Variants in WDR41 observed in about 807,000 individuals in gnomAD.
WDR41 encodes WD repeat domain 41.
Under a neutral mutation model 69.3 loss-of-function variants are expected in WDR41, and 63 were observed. That is an observed-to-expected ratio of 0.91 (90% CI 0.74 to 1.12). The LOEUF (loss-of-function observed/expected upper bound fraction) is 1.12. WDR41 is among the 50% of genes most tolerant of loss of function. WDR41 has a pLI of 0.00. For synonymous variants in WDR41, 185 were observed against 192.1 expected, an observed-to-expected ratio of 0.96 and a Z score of 0.31; for missense variants, 543 against 534.5, an observed-to-expected ratio of 1.02 and a Z score of -0.16.
intron 1 of WDR41, among the ~76,000 whole-genome samples, chr5:77,518,833 T>C (rs1215860237): frequency 6.6e-6 from 1 of 152,056 alleles, no homozygotes. Flanking sequence ...AATAAATATA[T>C]ATGAGCAGTA....
intron 1 of WDR41, among the ~76,000 whole-genome samples, chr5:77,618,370 GTT>G (rs35564512): frequency 6.8e-6 from 1 of 147,612 alleles, no homozygotes; most frequent in Non-Finnish European, 1.5e-5. Flanking sequence ...GACTAAACAA[GTT>G]TTTTTTTTTT....
intron 1 of WDR41, among the ~76,000 whole-genome samples, chr5:77,534,532 C>T (rs1742930394): frequency 6.6e-6 from 1 of 151,990 alleles, no homozygotes; most frequent in South Asian, 2.1e-4. Context: ...CTCCCGGATT[C>T]AAGTGATTCT....
chr5:77,579,494 C>T lies in WDR41; in HGVS notation c.42+40985G>A, dbSNP rs77387678. On this transcript the variant is annotated intron_variant, in intron 1 of 5. Transcript: ENST00000509971. ...ACAGCAAACTATGAAACAAAAGCAA[C>T]GGAGACCATAAGATAGTAGAACAAC... Among the ~76,000 whole-genome samples the T allele has an allele frequency of 7.7e-3, 1,170 of 152,156 alleles. 8 individuals carry two copies. The highest frequency in any genetic ancestry group is 0.024 in the Middle Eastern group (7 of 292).
At chr5:77,434,314 G>GA (rs35089946) in intron 12 of WDR41, among the ~76,000 whole-genome samples, 83 of 151,736 alleles carry the variant, frequency 5.5e-4, no homozygotes, top group Admixed American at 1.6e-3. Context: ...TCCCTCTCGG[G>GA]AAAAAAAACA....
chr5:77,448,117 C>T (rs1212247335), intron 8 of WDR41, among the ~76,000 whole-genome samples: 1 of 152,094 alleles, frequency 6.6e-6, no homozygotes, highest in African/African-American at 2.4e-5. Flanking sequence ...TTTAAGTAAC[C>T]ATGCTGGCTC....
At chr5:77,514,093 A>C (rs1411858106) in intron 1 of WDR41, among the ~76,000 whole-genome samples, 1 of 152,196 alleles carries the variant, frequency 6.6e-6, no homozygotes, top group African/African-American at 2.4e-5. Context: ...TTTTCATACA[A>C]GTAATTATAG....
intron 1 of WDR41, among the ~76,000 whole-genome samples, chr5:77,586,937 C>T: frequency 6.6e-6 from 1 of 151,286 alleles, no homozygotes; most frequent in Non-Finnish European, 1.5e-5. Context: ...CCAGGATGGT[C>T]TCGATCTCCT....
At chr5:77,451,624 AG>A in intron 6 of WDR41, 1 of 316,298 alleles carries the variant, frequency 3.2e-6, no homozygotes, top group Non-Finnish European at 5.9e-6. Flanking sequence ...ATAAAGTGGT[AG>A]ATTCAGCAAT....
At chr5:77,616,533 T>A (rs190780158) in intron 1 of WDR41, among the ~76,000 whole-genome samples, 3 of 152,292 alleles carry the variant, frequency 2.0e-5, no homozygotes, top group African/African-American at 7.2e-5. Context: ...GGACAAGCTG[T>A]AAGTGGTAAG....
rs761818605 is a variant in WDR41, at chr5:77,438,276, T to A, written c.968A>T (p.Asp323Val). 5 of 1,613,862 alleles carry A rather than the reference T, an allele frequency of 3.1e-6. No individual in the cohort carries two copies. In the African/African-American group the frequency reaches 4.0e-5, roughly 13 times the overall value. The change falls in exon 10 of 13, where the codon GAC becomes GTC. Residue 323 changes from aspartate (D) to valine (V), a missense_variant. Transcript: ENST00000296679. The part of the protein sequence containing the change: ...RVIACQKTAH[D>V]SNVLHVARLP... ...TCTGGCAACGTGCAGGACATTGGAG[T>A]CATGTGCAGTTTTCTGGCAGGCAAT...
intron 1 of WDR41, among the ~76,000 whole-genome samples, chr5:77,512,127 G>A (rs1802212017): frequency 6.6e-6 from 1 of 152,138 alleles, no homozygotes; most frequent in South Asian, 2.1e-4. Flanking sequence ...GCTTACTTGT[G>A]TATGGAGAGC....
At chr5:77,618,912 G>C (rs892947513) in intron 1 of WDR41, among the ~76,000 whole-genome samples, 5 of 152,092 alleles carry the variant, frequency 3.3e-5, no homozygotes, top group African/African-American at 1.2e-4. Context: ...GAAGGTGGTG[G>C]GCATCCTGTC....
intron 2 of WDR41, among the ~76,000 whole-genome samples, chr5:77,469,494 C>T (rs1478372694): frequency 6.6e-6 from 1 of 152,128 alleles, no homozygotes; most frequent in Non-Finnish European, 1.5e-5. Flanking sequence ...AATCTACAGA[C>T]TTAATCCAAT....
At chr5:77,545,211 A>G (rs1743169043) in intron 1 of WDR41, among the ~76,000 whole-genome samples, 1 of 142,364 alleles carries the variant, frequency 7.0e-6, no homozygotes. Context: ...CTACATCAAA[A>G]AGTCTGAAAG....
At position 77,437,397 on chromosome 5, in the gene WDR41, G is replaced by A. The variant is rs1412254723; in HGVS notation, c.1032C>T (p.Gly344=). The stretch of plus-strand genomic sequence containing the variant: ...CTCTTAACTCCCAAATGCGTACACT[G>A]CCATCTTCTGAGCATGAGATTAACT... The part of the protein sequence containing the change: ...NRQLISCSED[G]SVRIWELREK... Residue 344 remains glycine, a synonymous_variant, in exon 11 of 13, where the codon GGC becomes GGT. Coordinates refer to ENST00000296679, the MANE Select transcript of WDR41 (RefSeq NM_018268.4). 6.2e-7 allele frequency: 1 copy of A among 1,613,718 alleles called. No individual in the cohort carries two copies. Among genetic ancestry groups the A allele is most frequent in the Non-Finnish European group, 8.5e-7 (1 of 1,179,884 alleles).
chr5:77,440,455 A>G (rs1203945770), intron 9 of WDR41, among the ~76,000 whole-genome samples: 1 of 152,178 alleles, frequency 6.6e-6, no homozygotes, highest in East Asian at 1.9e-4. Flanking sequence ...TAAAATTTTT[A>G]ATTTTCTTTG....
chr5:77,486,103 C>T (rs1243484436), intron 2 of WDR41, among the ~76,000 whole-genome samples: 1 of 152,246 alleles, frequency 6.6e-6, no homozygotes, highest in East Asian at 1.9e-4. Context: ...AGAGTAAAAA[C>T]ATTCGGTTAA....
intron 6 of WDR41, 31 bp downstream of exon 6, chr5:77,453,786 C>T (rs745603726): frequency 1.3e-6 from 2 of 1,542,290 alleles, no homozygotes; most frequent in Non-Finnish European, 1.8e-6. Context: ...GTCTGTCAAT[C>T]ATAGTTCAAA....
chr5:77,458,957 A>G (rs1799934947), intron 5 of WDR41, 105 bp downstream of exon 5: 1 of 769,198 alleles, frequency 1.3e-6, no homozygotes, highest in East Asian at 2.6e-5. Context: ...GTGGAAAGAA[A>G]TAATTCATAA....
Sources: gnomAD v4.1 joint callset for allele counts (sites outside exome capture counted in the v4.1 genomes callset) on GRCh38, gnomAD v4.1.1 for gene constraint, MANE v1.5 for transcripts, NCBI Gene and HGNC (gene_info 2026-07-23, HGNC 2026-07-21) for gene names.